RBMS1: variants seen among roughly 807,000 people sequenced by gnomAD.
RBMS1 encodes RNA binding motif single stranded interacting protein 1, also known as RNA-binding motif, single-stranded-interacting protein 1.
In RBMS1, 17 loss-of-function variants were observed where a neutral mutation model predicts 62.3. The observed-to-expected ratio is 0.27, with a 90% CI of 0.19 to 0.41. The LOEUF is 0.41. RBMS1 is among the 10% of genes least tolerant of loss of function. The probability of loss-of-function intolerance (pLI) is 1.00; values close to 1 mark genes in which losing one functional copy is unlikely to be tolerated. For missense variants in RBMS1, 334 were observed against 504.5 expected (o/e 0.66, Z 3.24); for synonymous variants, 172 against 170.0 (o/e 1.01, Z -0.09).
chr2:160,326,742 G>A (rs545246434), intron 2 of RBMS1, among the ~76,000 whole-genome samples: 3 of 152,284 alleles, frequency 2.0e-5, no homozygotes, highest in East Asian at 3.9e-4. Context: ...AAATTACAAT[G>A]AGGGATGACG....
rs1415147422 is a variant in RBMS1 at position 160,284,259 on chromosome 2, TTAACC to T, written c.900+511_900+515del. ...TTATTTTAAGGTAAAGCCTCCTCAC[TTAACC>T]TAAACAGGAAGTCACCTTTTTGCTT... On this transcript the variant is annotated intron_variant, in intron 9 of 13. Coordinates refer to ENST00000348849, the MANE Select transcript of RBMS1 (RefSeq NM_016836.4). 1.3e-4 allele frequency: 20 copies of T among 155,140 alleles called. 1 individual carries two copies. The highest frequency in any genetic ancestry group is 4.6e-4 in the African/African-American group (19 of 41,572). 9.6% of individuals were successfully genotyped at this position (155,140 alleles called of 1,614,324 possible).
intron 1 of RBMS1, among the ~76,000 whole-genome samples, chr2:160,381,935 T>C (rs1003132244): frequency 2.0e-5 from 3 of 152,186 alleles, no homozygotes; most frequent in Non-Finnish European, 4.4e-5. Context: ...CAATATATGA[T>C]ATTTCAACTC....
At chr2:160,341,538 G>A (rs116368225) in intron 2 of RBMS1, among the ~76,000 whole-genome samples, 1,646 of 152,192 alleles carry the variant, frequency 0.011, 39 homozygotes, top group African/African-American at 0.036. Flanking sequence ...ACTGTGAGGA[G>A]GGGAGAATTC....
intron 2 of RBMS1, among the ~76,000 whole-genome samples, chr2:160,347,280 C>T (rs1692240089): frequency 6.6e-6 from 1 of 152,018 alleles, no homozygotes. Flanking sequence ...GTGAAAAATT[C>T]AACATAACTG....
chr2:160,452,769 A>ACCTG (rs1288694982), intron 1 of RBMS1, among the ~76,000 whole-genome samples: 2 of 152,172 alleles, frequency 1.3e-5, no homozygotes, highest in African/African-American at 4.8e-5. Context: ...CAGACGTACT[A>ACCTG]CCTGCTCTCA....
chr2:160,334,797 A>AT (rs1691476946), intron 2 of RBMS1, among the ~76,000 whole-genome samples: 1 of 152,172 alleles, frequency 6.6e-6, no homozygotes, highest in Admixed American at 6.5e-5. Context: ...TTCCAGGCTA[A>AT]GTTTAAATCA....
rs1684961927 is a variant in RBMS1, at chr2:160,472,458, T to C, written c.75+20831A>G. On this transcript the variant is annotated intron_variant, in intron 1 of 13. Transcript: ENST00000348849. ...TAAAACATTCTGGCCGAGCTATAAC[T>C]ATAAAATTAGCCTAACTAACTTTAA... Among the ~76,000 whole-genome samples the C allele has an allele frequency of 2.0e-5, 3 of 152,210 alleles. No individual in the cohort carries two copies. The South Asian group carries it at 6.2e-4, about 31-fold the overall frequency.
intron 1 of RBMS1, among the ~76,000 whole-genome samples, chr2:160,475,966 C>G (rs1685110684): frequency 1.3e-5 from 2 of 151,720 alleles, no homozygotes; most frequent in African/African-American, 4.8e-5. Flanking sequence ...TGTCAATCCT[C>G]CCGCCTCAGC....
At chr2:160,339,387 G>A (rs1326384097) in intron 2 of RBMS1, among the ~76,000 whole-genome samples, 1 of 152,042 alleles carries the variant, frequency 6.6e-6, no homozygotes, top group South Asian at 2.1e-4. Flanking sequence ...TTATTCCTTT[G>A]AAGTTTATGG....
chr2:160,426,225 GAA>G lies in RBMS1; in HGVS notation c.76-58836_76-58835del, dbSNP rs1164731504. Among the ~76,000 whole-genome samples the G allele has an allele frequency of 2.5e-3, 192 of 78,050 alleles. 3 individuals are homozygous for G. The highest frequency in any genetic ancestry group is 9.9e-3 in the African/African-American group (181 of 18,274). The allele number at this position is 78,050 out of a possible 152,430, so 51.2% of individuals were successfully genotyped here. The stretch of plus-strand genomic sequence containing the variant: ...AAGAAAGAGAGAGAGACAGAAGAAA[GAA>G]AGAAAGAAAGAAAGAAAGAAAGAAA... On this transcript the variant is annotated intron_variant, in intron 1 of 13. Coordinates refer to ENST00000348849, the MANE Select transcript of RBMS1 (RefSeq NM_016836.4).
chr2:160,325,234 A>G (rs1005308974), intron 2 of RBMS1, among the ~76,000 whole-genome samples: 1 of 152,050 alleles, frequency 6.6e-6, no homozygotes, highest in Non-Finnish European at 1.5e-5. Context: ...TGGACTCCGT[A>G]ATTGCTAAGG....
At chr2:160,301,739 C>T (rs115258654) in intron 5 of RBMS1, among the ~76,000 whole-genome samples, 1,673 of 152,276 alleles carry the variant, frequency 0.011, 18 homozygotes, top group Non-Finnish European at 0.017. Context: ...GAACTAAAAT[C>T]CAGATGAACC....
At chr2:160,326,640 C>T (rs544658730) in intron 2 of RBMS1, among the ~76,000 whole-genome samples, 10 of 152,198 alleles carry the variant, frequency 6.6e-5, no homozygotes, top group East Asian at 3.9e-4. Context: ...GTAAGATTAA[C>T]GAAAATTTTT....
intron 7 of RBMS1, among the ~76,000 whole-genome samples, chr2:160,286,080 C>T (rs1046224612): frequency 1.3e-5 from 2 of 151,666 alleles, no homozygotes; most frequent in African/African-American, 4.8e-5. Flanking sequence ...CACTGCCCTC[C>T]AGCCTGAGCG....
intron 1 of RBMS1, among the ~76,000 whole-genome samples, chr2:160,457,690 G>A (rs1684297374): frequency 6.6e-6 from 1 of 152,168 alleles, no homozygotes; most frequent in Non-Finnish European, 1.5e-5. Context: ...AATTTGATAA[G>A]GATTCAGAGC....
chr2:160,385,249 C>T (rs1207321214), intron 1 of RBMS1, among the ~76,000 whole-genome samples: 1 of 152,130 alleles, frequency 6.6e-6, no homozygotes, highest in Non-Finnish European at 1.5e-5. Flanking sequence ...AGGAGGGCTC[C>T]GCCGAGGGCA....
intron 1 of RBMS1, among the ~76,000 whole-genome samples, chr2:160,452,051 A>G (rs1363590060): frequency 6.6e-6 from 1 of 152,206 alleles, no homozygotes; most frequent in African/African-American, 2.4e-5. Context: ...AACCCCTTAA[A>G]GAGGCTGTAC....
At chr2:160,426,216 CAGAA>C (rs1157288688) in intron 1 of RBMS1, among the ~76,000 whole-genome samples, 2 of 65,330 alleles carry the variant, frequency 3.1e-5, no homozygotes, top group South Asian at 4.9e-4. Flanking sequence ...GAGAGAGAGA[CAGAA>C]GAAAGAAAGA....
chr2:160,428,506 GA>G (rs1413446348), intron 1 of RBMS1, among the ~76,000 whole-genome samples: 1 of 137,700 alleles, frequency 7.3e-6, no homozygotes, highest in African/African-American at 2.5e-5. Flanking sequence ...AGCTTTAAAA[GA>G]AGAAGAAGAA....
Sources: allele counts gnomAD v4.1 joint callset (sites outside exome capture counted in the v4.1 genomes callset), GRCh38; gene constraint gnomAD v4.1.1; transcripts MANE v1.5; gene names NCBI Gene and HGNC (gene_info 2026-07-23, HGNC 2026-07-21).